Variants in RIMS3 observed in about 807,000 individuals in gnomAD.
RIMS3 encodes regulating synaptic membrane exocytosis 3.
A neutral mutation model predicts 29.2 loss-of-function variants in RIMS3; 15 were observed. The ratio of observed to expected loss-of-function variants is 0.51; its 90% CI spans 0.34 to 0.79. The LOEUF (loss-of-function observed/expected upper bound fraction) is 0.79. Ranked by LOEUF, RIMS3 falls within the 30% of genes least tolerant of loss-of-function variation. The pLI, the probability that RIMS3 is intolerant of heterozygous loss-of-function variation, is 0.01. For missense variants in RIMS3, 342 were observed against 421.4 expected (o/e 0.81, Z 1.65); for synonymous variants, 161 against 170.1 (o/e 0.95, Z 0.41).
At chr1:40,628,668 C>T (rs1361731512) in intron 7 of RIMS3, 142 bp downstream of exon 7, 1 of 1,169,750 alleles carries the variant, frequency 8.5e-7, no homozygotes, top group Non-Finnish European at 1.3e-6. Context: ...TAATACCTCA[C>T]AGGGTTGTGA....
chr1:40,641,584 T>C, intron 3 of RIMS3, 125 bp downstream of exon 3: 3 of 893,136 alleles, frequency 3.4e-6, no homozygotes, highest in Middle Eastern at 2.2e-4. Flanking sequence ...ACCTGGTGTA[T>C]GGGAAGGGCC....
chr1:40,623,341 C>T lies in RIMS3; in HGVS notation c.*3176G>A, dbSNP rs144387859. 0.011 allele frequency: 4,274 copies of T among 398,440 alleles called. 44 individuals are homozygous for T. Among genetic ancestry groups the T allele is most frequent in the Middle Eastern group, 0.031 (49 of 1,588 alleles). 24.7% of individuals were successfully genotyped at this position (398,440 alleles called of 1,614,324 possible). On this transcript the variant is annotated 3_prime_UTR_variant, in exon 8 of 8. Coordinates refer to ENST00000372684, the MANE Select transcript of RIMS3 (RefSeq NM_014747.3). ...CCATTTACTGGAGCCTTTTTCATAC[C>T]AAAAACCCATTGCAGGGAAAAGGAG...
At chr1:40,630,250 T>A (rs1488390118) in intron 5 of RIMS3, among the ~76,000 whole-genome samples, 2 of 152,138 alleles carry the variant, frequency 1.3e-5, no homozygotes, top group East Asian at 1.9e-4. Flanking sequence ...TGAGAAATCT[T>A]CACTGTACTC....
At position 40,654,425 on chromosome 1, in the gene RIMS3, C is replaced by G. The variant is rs1269422844; in HGVS notation, c.-206-6583G>C. On this transcript the variant is annotated intron_variant, in intron 1 of 7. Transcript: ENST00000372684. The surrounding 1 kb of genome is among the most constrained non-coding windows in gnomAD (Gnocchi z 5.3). ...AGACCCGCACGCAAGCCATACACCT[C>G]CGGTTGGCCACTCCGACGCGCCACA... Among the ~76,000 whole-genome samples the G allele has an allele frequency of 6.6e-6, 1 of 152,182 alleles. No individual in the cohort carries two copies. The highest frequency in any genetic ancestry group is 3.2e-3 in the Middle Eastern group (1 of 316).
At chr1:40,664,491 C>T (rs1251106475) in intron 1 of RIMS3, among the ~76,000 whole-genome samples, 1 of 152,208 alleles carries the variant, frequency 6.6e-6, no homozygotes, top group Non-Finnish European at 1.5e-5. Flanking sequence ...GAGCAGCAGC[C>T]TTCTTCCCTA....
At chr1:40,677,312 G>A in the RIMS3 span, among the ~76,000 whole-genome samples, 2 of 151,706 alleles carry the variant, frequency 1.3e-5, no homozygotes, top group Admixed American at 6.6e-5. Context: ...CCTAATATAA[G>A]GTGGAAATAT....
chr1:40,675,758 C>A, the RIMS3 span, among the ~76,000 whole-genome samples: 117 of 107,244 alleles, frequency 1.1e-3, no homozygotes, highest in Admixed American at 1.5e-3. Flanking sequence ...AACTCCATCT[C>A]AAAAAAAAAA....
chr1:40,652,240 C>T (rs1642177022), intron 1 of RIMS3, among the ~76,000 whole-genome samples: 1 of 152,200 alleles, frequency 6.6e-6, no homozygotes, highest in Non-Finnish European at 1.5e-5. Flanking sequence ...AGCAAGATTC[C>T]GTCCTCAATG....
chr1:40,678,585 G>A, the RIMS3 span, among the ~76,000 whole-genome samples: 1 of 152,158 alleles, frequency 6.6e-6, no homozygotes, highest in Non-Finnish European at 1.5e-5. Flanking sequence ...GCCACAACAT[G>A]GAGTCAAGTT....
the RIMS3 span, among the ~76,000 whole-genome samples, chr1:40,688,812 T>C: frequency 6.6e-6 from 1 of 152,320 alleles, no homozygotes; most frequent in East Asian, 1.9e-4. Context: ...TGGGCTGCCA[T>C]GGCTGAGCAA....
At chr1:40,633,010 C>A in intron 5 of RIMS3, 59 bp downstream of exon 5, 2 of 1,367,848 alleles carry the variant, frequency 1.5e-6, no homozygotes, top group South Asian at 1.2e-5. Context: ...CCACTGAGCT[C>A]ACCCTTCCTG....
chr1:40,673,282 T>C, the RIMS3 span: 1 of 151,878 alleles, frequency 6.6e-6, no homozygotes, highest in Non-Finnish European at 1.5e-5. Flanking sequence ...AAAAGAAAGC[T>C]CCCTCCTCTT....
Position 40,628,919 on chromosome 1 carries a change from T to C in RIMS3, c.605A>G (p.Asn202Ser). Reference sequence around the variant, plus strand: ...CTTCTTCTTGGCCAAGCAGGCCCCATTCTCCAGCAGGTAAACCTTGATATA... The same window carrying C: ...CTTCTTCTTGGCCAAGCAGGCCCCACTCTCCAGCAGGTAAACCTTGATATA... ...ATYIKVYLLENGACLAKKKTK... is the reference protein window; with the variant it reads ...ATYIKVYLLESGACLAKKKTK... The change falls in exon 7 of 8, where the codon AAT becomes AGT. Residue 202 changes from asparagine (N) to serine (S), a missense_variant. By Grantham distance (46) the Asn-to-Ser change is conservative. Transcript: ENST00000372684. 1 of 1,613,618 alleles carries C rather than the reference T, an allele frequency of 6.2e-7. No homozygotes were observed. Among genetic ancestry groups the C allele is most frequent in the Non-Finnish European group, 8.5e-7 (1 of 1,180,014 alleles).
chr1:40,664,089 AGTGTAGAACCCCAGG>A (rs1642390275), intron 1 of RIMS3, among the ~76,000 whole-genome samples: 1 of 152,194 alleles, frequency 6.6e-6, no homozygotes, highest in Non-Finnish European at 1.5e-5. Flanking sequence ...GGGTCGGATA[AGTGTAGAACCCCAGG>A]GCTGGAAGTC....
At chr1:40,626,818 G>T in intron 7 of RIMS3, 89 bp from the exon 8 acceptor site, 1 of 1,196,128 alleles carries the variant, frequency 8.4e-7, no homozygotes, top group Non-Finnish European at 1.2e-6. Flanking sequence ...TTTCAGCAGG[G>T]CACAGATGGA....
At chr1:40,662,665 A>T (rs1642369113) in intron 1 of RIMS3, among the ~76,000 whole-genome samples, 1 of 152,182 alleles carries the variant, frequency 6.6e-6, no homozygotes, top group Non-Finnish European at 1.5e-5. Context: ...TCAAGCTATG[A>T]AAAGCCCAAA....
chr1:40,675,493 C>G, the RIMS3 span, among the ~76,000 whole-genome samples: 2 of 152,036 alleles, frequency 1.3e-5, no homozygotes, highest in Non-Finnish European at 2.9e-5. Flanking sequence ...TACGGTGGCT[C>G]ATGCCTGTAA....
chr1:40,662,816 C>T (rs1283710252), intron 1 of RIMS3, among the ~76,000 whole-genome samples: 2 of 152,190 alleles, frequency 1.3e-5, no homozygotes, highest in African/African-American at 4.8e-5. Context: ...TAAATTATTC[C>T]TATTTTCCAG....
chr1:40,659,437 G>C (rs184696663), intron 1 of RIMS3, among the ~76,000 whole-genome samples: 1 of 152,278 alleles, frequency 6.6e-6, no homozygotes, highest in Admixed American at 6.5e-5. Context: ...TTGTTCTGGG[G>C]CTGCTTGGAG....
Sources: allele counts gnomAD v4.1 joint callset (sites outside exome capture counted in the v4.1 genomes callset), GRCh38; gene constraint gnomAD v4.1.1; non-coding constraint Gnocchi (gnomAD v3.1); transcripts MANE v1.5; gene names NCBI Gene and HGNC (gene_info 2026-07-23, HGNC 2026-07-21).